The following UNC13C variants were observed in gnomAD, a reference collection of about 807,000 sequenced individuals.
The protein encoded by UNC13C is unc-13 homolog C, also known as protein unc-13 homolog C.
UNC13C carries 174 observed loss-of-function variants against 245.4 expected under a neutral mutation model. The observed-to-expected ratio is 0.71, with a 90% CI of 0.63 to 0.80. UNC13C has a LOEUF of 0.80. Among genes scored for constraint, UNC13C ranks in the 30% least tolerant of loss-of-function variants. The pLI is 0.00. For synonymous variants in UNC13C, 992 were observed against 895.1 expected (o/e 1.11, Z -1.93); for missense variants, 2,829 against 2,602.9 (o/e 1.09, Z -1.89).
chr15:53,888,652 A>G, the UNC13C span, among the ~76,000 whole-genome samples: 3 of 152,074 alleles, frequency 2.0e-5, no homozygotes, highest in Admixed American at 2.0e-4. Context: ...GGCATTGCCT[A>G]TGTTTTCTTC....
At chr15:54,442,064 AT>A (rs1257936708) in intron 19 of UNC13C, among the ~76,000 whole-genome samples, 14 of 151,826 alleles carry the variant, frequency 9.2e-5, no homozygotes, top group Non-Finnish European at 4.4e-5. Flanking sequence ...CATTTTAAGA[AT>A]TTTCTGATAG....
intron 17 of UNC13C, among the ~76,000 whole-genome samples, chr15:54,340,895 A>G (rs111721531): frequency 8.7e-4 from 133 of 152,284 alleles, no homozygotes; most frequent in African/African-American, 3.0e-3. Context: ...CATTTTCACA[A>G]TATTGATTCT....
At chr15:54,019,325 G>C (rs536894178) in intron 2 of UNC13C, among the ~76,000 whole-genome samples, 56 of 152,314 alleles carry the variant, frequency 3.7e-4, no homozygotes, top group African/African-American at 1.3e-3. Context: ...ATGAAGAACA[G>C]AGTCAGCCAC....
At chr15:54,111,786 GA>G (rs1299633774) in intron 2 of UNC13C, among the ~76,000 whole-genome samples, 2 of 152,204 alleles carry the variant, frequency 1.3e-5, no homozygotes, top group East Asian at 1.9e-4. Flanking sequence ...AGGGGGCAGA[GA>G]GGAGTGCTGT....
chr15:53,956,726 A>G, the UNC13C span, among the ~76,000 whole-genome samples: 1 of 151,722 alleles, frequency 6.6e-6, no homozygotes, highest in African/African-American at 2.4e-5. Context: ...AGTTGAAGGA[A>G]TTCTGAGTAA....
intron 30 of UNC13C, among the ~76,000 whole-genome samples, chr15:54,616,774 G>C (rs1352545174): frequency 6.6e-6 from 1 of 151,996 alleles, no homozygotes; most frequent in Non-Finnish European, 1.5e-5. Context: ...AGTGTTTAGA[G>C]AGTCTGCAGG....
At chr15:54,247,431 T>C (rs2036022096) in intron 7 of UNC13C, among the ~76,000 whole-genome samples, 1 of 152,190 alleles carries the variant, frequency 6.6e-6, no homozygotes, top group Non-Finnish European at 1.5e-5. Flanking sequence ...ATTATGAGAT[T>C]ATTTTTATAT....
At chr15:54,025,568 T>C (rs1480182705) in intron 2 of UNC13C, among the ~76,000 whole-genome samples, 1 of 152,202 alleles carries the variant, frequency 6.6e-6, no homozygotes, top group Non-Finnish European at 1.5e-5. Flanking sequence ...CTTTGGCGTT[T>C]ATCTTCCACA....
chr15:53,894,270 G>A, the UNC13C span, among the ~76,000 whole-genome samples: 1 of 152,186 alleles, frequency 6.6e-6, no homozygotes, highest in Non-Finnish European at 1.5e-5. Flanking sequence ...CTGCAGACTG[G>A]AGCTGTTCCT....
intron 4 of UNC13C, among the ~76,000 whole-genome samples, chr15:54,154,725 C>G (rs1234164774): frequency 6.6e-6 from 1 of 152,152 alleles, no homozygotes; most frequent in Admixed American, 6.5e-5. Context: ...TGCCTTCATA[C>G]ACGCTGAATC....
chr15:54,274,666 A>ATTTT (rs1567151983), intron 10 of UNC13C, among the ~76,000 whole-genome samples: 3 of 78,266 alleles, frequency 3.8e-5, no homozygotes, highest in African/African-American at 1.3e-4. Context: ...AATAAAGTAG[A>ATTTT]CTTTTTTTTT....
At chr15:54,462,890 C>A (rs1891933550) in intron 19 of UNC13C, among the ~76,000 whole-genome samples, 1 of 152,110 alleles carries the variant, frequency 6.6e-6, no homozygotes. Context: ...GGCATGGGAT[C>A]CACAAGACGA....
At chr15:54,278,198 C>G (rs996263554) in intron 10 of UNC13C, among the ~76,000 whole-genome samples, 1 of 152,118 alleles carries the variant, frequency 6.6e-6, no homozygotes, top group African/African-American at 2.4e-5. Context: ...CTTTTCACCA[C>G]TTTTTAGAAA....
At chr15:54,479,525 C>T (rs907696851) in intron 19 of UNC13C, among the ~76,000 whole-genome samples, 4 of 151,984 alleles carry the variant, frequency 2.6e-5, no homozygotes, top group Non-Finnish European at 4.4e-5. Flanking sequence ...ATCCATTTAA[C>T]CTGTTTACAT....
the UNC13C span, among the ~76,000 whole-genome samples, chr15:53,890,978 C>T: frequency 1.3e-5 from 2 of 152,066 alleles, no homozygotes; most frequent in Non-Finnish European, 2.9e-5. Context: ...TTAGATCTTT[C>T]CTGCTTTCTC....
chr15:54,584,964 G>T (rs967455476), intron 30 of UNC13C, among the ~76,000 whole-genome samples: 2 of 152,188 alleles, frequency 1.3e-5, no homozygotes, highest in Non-Finnish European at 2.9e-5. Flanking sequence ...CATTTAAAGT[G>T]ATGCTATGGC....
intron 28 of UNC13C, among the ~76,000 whole-genome samples, chr15:54,552,628 TTGTAC>T (rs1896841635): frequency 2.6e-5 from 2 of 76,286 alleles, no homozygotes; most frequent in African/African-American, 7.9e-5. Context: ...ATATTATATA[TTGTAC>T]AATATAATAT....
the UNC13C span, among the ~76,000 whole-genome samples, chr15:53,840,576 G>T: frequency 3.9e-5 from 6 of 152,092 alleles, no homozygotes; most frequent in Non-Finnish European, 5.9e-5. Flanking sequence ...CTGAGGACAG[G>T]GTTCAAGACC....
intron 7 of UNC13C, among the ~76,000 whole-genome samples, chr15:54,246,475 G>A (rs539818076): frequency 4.6e-5 from 7 of 151,586 alleles, no homozygotes; most frequent in Admixed American, 2.0e-4. Flanking sequence ...AAGAATATGG[G>A]AAGGATATGT....
Sources: allele counts gnomAD v4.1 joint callset (sites outside exome capture counted in the v4.1 genomes callset), GRCh38; gene constraint gnomAD v4.1.1; transcripts MANE v1.5; gene names NCBI Gene and HGNC (gene_info 2026-07-23, HGNC 2026-07-21).